Variants in THSD4 observed in about 807,000 individuals in gnomAD.
THSD4 encodes the protein thrombospondin type-1 domain-containing protein 4.
A neutral mutation model predicts 119.0 loss-of-function variants in THSD4; 69 were observed. The observed-to-expected ratio is 0.58, with a 90% CI of 0.48 to 0.71. The LOEUF is 0.71. Among genes scored for constraint, THSD4 ranks in the 30% least tolerant of loss-of-function variants. The pLI, the probability that THSD4 is intolerant of heterozygous loss-of-function variation, is 0.00. For missense variants in THSD4, 1,393 were observed against 1,391.1 expected (o/e 1.00, Z -0.02); for synonymous variants, 524 against 540.4 (o/e 0.97, Z 0.42).
At chr15:71,600,731 T>A (rs79663463) in intron 7 of THSD4, among the ~76,000 whole-genome samples, 2 of 145,460 alleles carry the variant, frequency 1.4e-5, no homozygotes, top group African/African-American at 2.8e-5. Flanking sequence ...CATGCCTGTC[T>A]TTTTTTTTCT....
Position 71,779,960 on chromosome 15 carries a change from A to T in THSD4, c.*2586A>T, listed in dbSNP as rs2053973289. ...TTTGATCAATTTATTTGTCTTAGAG[A>T]TCCAATTTTTACTAATTCCCTAGTT... On this transcript the variant is annotated 3_prime_UTR_variant, in exon 18 of 18. Transcript: ENST00000261862. 1 of 151,698 alleles carries T rather than the reference A, an allele frequency of 6.6e-6. No individual in the cohort carries two copies. The highest frequency in any genetic ancestry group is 2.4e-5 in the African/African-American group (1 of 41,250). 9.4% of individuals were successfully genotyped at this position (151,698 alleles called of 1,614,324 possible). A position where few individuals can be genotyped will look rare whatever the true frequency, so the allele number is the denominator to read the frequency against.
At chr15:71,565,303 T>C (rs2049212419) in intron 7 of THSD4, among the ~76,000 whole-genome samples, 1 of 152,158 alleles carries the variant, frequency 6.6e-6, no homozygotes, top group South Asian at 2.1e-4. Flanking sequence ...AAATGGACAC[T>C]TAGTAGGTAA....
intron 7 of THSD4, among the ~76,000 whole-genome samples, chr15:71,542,060 T>C (rs2048767382): frequency 6.6e-6 from 1 of 152,186 alleles, no homozygotes; most frequent in Non-Finnish European, 1.5e-5. Flanking sequence ...TAAAAATAAA[T>C]GTTTGAATTA....
chr15:71,467,513 G>A (rs963398286), intron 7 of THSD4, among the ~76,000 whole-genome samples: 2 of 152,174 alleles, frequency 1.3e-5, no homozygotes, highest in African/African-American at 4.8e-5. Context: ...AGGCCTGTTT[G>A]TTCAGATTCT....
intron 8 of THSD4, among the ~76,000 whole-genome samples, chr15:71,720,022 C>CTTTTTTTTTTTTT (rs750020826): frequency 1.7e-5 from 2 of 114,468 alleles, no homozygotes; most frequent in Non-Finnish European, 3.3e-5. Context: ...ATAACATGTG[C>CTTTTTTTTTTTTT]TTTTTTTTTT....
intron 6 of THSD4, among the ~76,000 whole-genome samples, chr15:71,263,407 C>G (rs956396685): frequency 1.3e-5 from 2 of 150,244 alleles, no homozygotes; most frequent in Non-Finnish European, 3.0e-5. Context: ...CATGTCTTTA[C>G]TATTGTGAAT....
chr15:71,269,198 C>T (rs1297835690), intron 6 of THSD4, among the ~76,000 whole-genome samples: 1 of 152,156 alleles, frequency 6.6e-6, no homozygotes, highest in East Asian at 1.9e-4. Flanking sequence ...CGAAAATTCT[C>T]AATAAAATAC....
intron 7 of THSD4, among the ~76,000 whole-genome samples, chr15:71,625,039 G>A (rs979010064): frequency 3.3e-5 from 5 of 151,880 alleles, no homozygotes; most frequent in Admixed American, 3.3e-4. Context: ...ATGGAGTCTT[G>A]CTCTGTTTCC....
At chr15:71,281,120 G>T (rs1263072171) in intron 6 of THSD4, among the ~76,000 whole-genome samples, 1 of 152,222 alleles carries the variant, frequency 6.6e-6, no homozygotes, top group Non-Finnish European at 1.5e-5. Context: ...TAACTCACAG[G>T]TTTGTGATTC....
chr15:71,497,570 A>AATTTTTATATATAT (rs1370527858), intron 7 of THSD4, among the ~76,000 whole-genome samples: 50 of 151,940 alleles, frequency 3.3e-4, no homozygotes, highest in African/African-American at 1.2e-3. Flanking sequence ...CATACATATA[A>AATTTTTATATATAT]ATAATATATA....
chr15:71,324,390 T>C (rs2045314192), intron 6 of THSD4, among the ~76,000 whole-genome samples: 1 of 152,188 alleles, frequency 6.6e-6, no homozygotes. Context: ...AGTCTGAGAT[T>C]TGAGCCCACC....
chr15:71,553,009 G>T (rs1337641300), intron 7 of THSD4, among the ~76,000 whole-genome samples: 1 of 152,108 alleles, frequency 6.6e-6, no homozygotes, highest in Non-Finnish European at 1.5e-5. Context: ...AAAGTTAAAG[G>T]TTCTTCTTTA....
At chr15:71,697,519 A>C (rs1336192039) in intron 8 of THSD4, among the ~76,000 whole-genome samples, 1 of 152,224 alleles carries the variant, frequency 6.6e-6, no homozygotes, top group Non-Finnish European at 1.5e-5. Context: ...CAGGCAGGCA[A>C]AGAAGTAGGG....
intron 6 of THSD4, among the ~76,000 whole-genome samples, chr15:71,330,624 G>A (rs955617264): frequency 7.9e-5 from 12 of 152,170 alleles, no homozygotes; most frequent in Admixed American, 5.9e-4. Flanking sequence ...AAATCCATTA[G>A]CAGTGTCTGG....
chr15:71,762,461 A>T (rs894367438), intron 15 of THSD4, among the ~76,000 whole-genome samples: 2 of 152,198 alleles, frequency 1.3e-5, no homozygotes, highest in African/African-American at 4.8e-5. Flanking sequence ...CTCTTTTCAG[A>T]TAAGACCACA....
In THSD4 at chr15:71,520,451, A is replaced by C. The variant is rs114093873; in HGVS notation, c.1152+108628A>C. ...GTGGGGTGGGGCCCAGGGCCTCCTCACTGGGATTGCTTTCTTAGGCAGCTT... is the reference window on the plus strand; with the variant it reads ...GTGGGGTGGGGCCCAGGGCCTCCTCCCTGGGATTGCTTTCTTAGGCAGCTT... On this transcript the variant is annotated intron_variant, in intron 7 of 17. Transcript: ENST00000261862. Among the ~76,000 whole-genome samples the C allele has an allele frequency of 2.7e-3, 412 of 152,254 alleles. 2 individuals are homozygous for C. Among genetic ancestry groups the C allele is most frequent in the African/African-American group, 8.7e-3 (362 of 41,548 alleles).
chr15:71,559,499 C>A (rs1304641071), intron 7 of THSD4, among the ~76,000 whole-genome samples: 1 of 151,672 alleles, frequency 6.6e-6, no homozygotes, highest in Non-Finnish European at 1.5e-5. Flanking sequence ...AAGAGGAAAA[C>A]AAATACCTTT....
At chr15:71,291,133 G>A (rs1300730867) in intron 6 of THSD4, among the ~76,000 whole-genome samples, 1 of 151,788 alleles carries the variant, frequency 6.6e-6, no homozygotes, top group Non-Finnish European at 1.5e-5. Context: ...CTTCACTTTG[G>A]CACCCTAATC....
intron 7 of THSD4, among the ~76,000 whole-genome samples, chr15:71,562,379 G>A (rs576462806): frequency 6.8e-6 from 1 of 148,102 alleles, no homozygotes; most frequent in South Asian, 2.1e-4. Flanking sequence ...GAAGGTGGTA[G>A]GAAGGGAAGG....
Sources: gnomAD v4.1 joint callset for allele counts (sites outside exome capture counted in the v4.1 genomes callset) on GRCh38, gnomAD v4.1.1 for gene constraint, MANE v1.5 for transcripts, NCBI Gene and HGNC (gene_info 2026-07-23, HGNC 2026-07-21) for gene names.